Variants in CTSD observed in about 807,000 individuals in gnomAD.
The protein encoded by CTSD is cathepsin D.
In CTSD, 28 loss-of-function variants were observed where a neutral mutation model predicts 43.6. The ratio of observed to expected loss-of-function variants is 0.64; its 90% CI spans 0.48 to 0.88. CTSD has a LOEUF of 0.88. Ranked by LOEUF, CTSD falls within the 40% of genes least tolerant of loss-of-function variation. The pLI is 0.00. For synonymous variants in CTSD, 270 were observed against 249.8 expected (o/e 1.08, Z -0.76); for missense variants, 485 against 555.2 (o/e 0.87, Z 1.27).
intron 1 of CTSD, 109 bp downstream of exon 1, chr11:1,763,683 C>T (rs1242741205): frequency 3.7e-6 from 4 of 1,068,224 alleles, no homozygotes; most frequent in Admixed American, 2.9e-5. Flanking sequence ...GCGCGGGGGG[C>T]GCAAGGGGCT....
At chr11:1,758,912 G>A in intron 4 of CTSD, 57 bp downstream of exon 4, 1 of 1,261,252 alleles carries the variant, frequency 7.9e-7, no homozygotes, top group Non-Finnish European at 1.2e-6. Flanking sequence ...ACCCACGGTG[G>A]GTGAACCCCA....
chr11:1,753,953 C>G, intron 7 of CTSD, 41 bp downstream of exon 7: 1 of 1,610,776 alleles, frequency 6.2e-7, no homozygotes. Flanking sequence ...TTGGGGCTCC[C>G]CCTGCCAGCC....
chr11:1,754,234 C>T lies in CTSD; in HGVS notation c.828-96G>A, dbSNP rs553734441. 26 of 1,421,004 alleles carry T rather than the reference C, an allele frequency of 1.8e-5. 1 individual carries two copies. Among genetic ancestry groups the T allele is most frequent in the African/African-American group, 1.7e-4 (12 of 71,118 alleles). 88.0% of individuals were successfully genotyped at this position (1,421,004 alleles called of 1,614,324 possible). ...GGGAGCCCCTCCCCTGGCTGGGCTG[C>T]ACTCTCCTCCCCTCAGGGCTCCTGG... On this transcript the variant is annotated intron_variant, in intron 6 of 8. Coordinates refer to ENST00000236671, the MANE Select transcript of CTSD (RefSeq NM_001909.5).
At chr11:1,762,410 C>T (rs545440882) in intron 1 of CTSD, 7 of 152,408 alleles carry the variant, frequency 4.6e-5, no homozygotes, top group African/African-American at 1.4e-4. Context: ...TGAACCCACT[C>T]CTTGTTCCAA....
chr11:1,763,877 C>G lies in CTSD; in HGVS notation c.-18G>C. 2 of 1,519,818 alleles carry G rather than the reference C, an allele frequency of 1.3e-6. No individual in the cohort carries two copies. The highest frequency in any genetic ancestry group is 1.8e-6 in the Non-Finnish European group (2 of 1,139,446). The allele number at this position is 1,519,818 out of a possible 1,614,324, so 94.1% of individuals were successfully genotyped here. ...GGCTGCATGGCGGCGGCGGCCGGGT[C>G]GGAGAGGGTCGCCGAGGCCGTGCGC... On this transcript the variant is annotated 5_prime_UTR_variant, in exon 1 of 9. Coordinates refer to ENST00000236671, the MANE Select transcript of CTSD (RefSeq NM_001909.5).
Position 1,753,323 on chromosome 11 carries a change from C to T in CTSD, c.*180G>A, listed in dbSNP as rs1202737826. On this transcript the variant is annotated 3_prime_UTR_variant, in exon 9 of 9. Coordinates refer to ENST00000236671, the MANE Select transcript of CTSD (RefSeq NM_001909.5). ...AGACAGGCAGGCAGCATTTCTGAACCCAGGGAGGGGAAAACCACAGAACAA... is the reference window on the plus strand; with the variant it reads ...AGACAGGCAGGCAGCATTTCTGAACTCAGGGAGGGGAAAACCACAGAACAA... 6 of 700,098 alleles carry T rather than the reference C, an allele frequency of 8.6e-6. No homozygotes were observed. In the African/African-American group the frequency reaches 1.1e-4, roughly 12 times the overall value. 43.4% of individuals were successfully genotyped at this position (700,098 alleles called of 1,614,324 possible). A position where few individuals can be genotyped will look rare whatever the true frequency, so the allele number is the denominator to read the frequency against.
At position 1,758,960 on chromosome 11, in the gene CTSD, G is replaced by C; in HGVS notation, c.471+9C>G. The stretch of plus-strand genomic sequence containing the variant: ...CTCGAGTCCTGGGAAAGGCCCCAGA[G>C]GGACTCACCGACACAGTGTCCTGGC... On this transcript the variant is annotated intron_variant, in intron 4 of 8. Coordinates refer to ENST00000236671, the MANE Select transcript of CTSD (RefSeq NM_001909.5). 6.3e-7 allele frequency: 1 copy of C among 1,583,332 alleles called. No homozygotes were observed. The highest frequency in any genetic ancestry group is 8.7e-7 in the Non-Finnish European group (1 of 1,152,206).
intron 1 of CTSD, chr11:1,761,768 T>C: frequency 4.2e-6 from 2 of 481,278 alleles, no homozygotes; most frequent in East Asian, 4.1e-5. Context: ...TCCTCAGCCA[T>C]TCTGGAGGCT....
chr11:1,754,048 A>T lies in CTSD; in HGVS notation c.918T>A (p.Asp306Glu). Residue 306 changes from aspartate (D) to glutamate (E), a missense_variant, in exon 7 of 9, where the codon GAT (aspartate) becomes GAA (glutamate). By Grantham distance (45) the Asp-to-Glu change is conservative. Coordinates refer to ENST00000236671, the MANE Select transcript of CTSD (RefSeq NM_001909.5). Reference sequence around the variant, plus strand: ...TGGCCTTCTGCAGCTCGCGCACCTCATCCACCGGGCCCACCATGAGGGAAG... The same window carrying T: ...TGGCCTTCTGCAGCTCGCGCACCTCTTCCACCGGGCCCACCATGAGGGAAG... ...TGTSLMVGPV[D>E]EVRELQKAIG... The T allele has an allele frequency of 6.2e-7, 1 of 1,610,014 alleles. No homozygotes were observed. The highest frequency in any genetic ancestry group is 8.5e-7 in the Non-Finnish European group (1 of 1,179,206).
intron 6 of CTSD, among the ~76,000 whole-genome samples, chr11:1,754,516 A>C: frequency 3.1e-5 from 1 of 32,636 alleles, no homozygotes; most frequent in South Asian, 1.4e-3. Flanking sequence ...GGAGGGATGG[A>C]GGGATGGAGG....
chr11:1,757,277 G>A (rs989820816), intron 5 of CTSD, 47 bp downstream of exon 5: 7 of 1,521,230 alleles, frequency 4.6e-6, no homozygotes, highest in African/African-American at 4.1e-5. Context: ...GTCCAGCCCC[G>A]CCCTGCCTCC....
intron 1 of CTSD, among the ~76,000 whole-genome samples, chr11:1,763,360 T>C (rs1281613163): frequency 6.6e-6 from 1 of 152,096 alleles, no homozygotes; most frequent in Non-Finnish European, 1.5e-5. Flanking sequence ...TCACAGGTGG[T>C]AAAGGGGTCC....
chr11:1,762,965 C>T (rs1845900866), intron 1 of CTSD: 1 of 152,450 alleles, frequency 6.6e-6, no homozygotes, highest in African/African-American at 2.4e-5. Flanking sequence ...CCCAGGTCTC[C>T]CACAAAGGCC....
At chr11:1,761,018 C>G (rs1233099663) in intron 2 of CTSD, 1 of 466,098 alleles carries the variant, frequency 2.1e-6, no homozygotes, top group East Asian at 4.3e-5. Context: ...CGGCCACACT[C>G]AGGCAGGCCC....
chr11:1,759,385 T>TGGAG, intron 3 of CTSD, 131 bp downstream of exon 3: 1 of 1,349,438 alleles, frequency 7.4e-7, no homozygotes, highest in Non-Finnish European at 1.0e-6. Context: ...TGGAGCAGGG[T>TGGAG]GGAGGGCTGG....
intron 1 of CTSD, chr11:1,761,741 T>A (rs1590908958): frequency 3.7e-6 from 2 of 536,704 alleles, no homozygotes; most frequent in East Asian, 6.8e-5. Flanking sequence ...TGGGGGCCAG[T>A]GTGCCCAACC....
In CTSD at chr11:1,763,887, C is replaced by T; in HGVS notation, c.-28G>A. ...CGGCGGCGGCCGGGTCGGAGAGGGT[C>T]GCCGAGGCCGTGCGCTTATAGCCGG... On this transcript the variant is annotated 5_prime_UTR_variant, in exon 1 of 9. Transcript: ENST00000236671. 2 of 1,516,026 alleles carry T rather than the reference C, an allele frequency of 1.3e-6. No homozygotes were observed. Among genetic ancestry groups the T allele is most frequent in the Non-Finnish European group, 1.8e-6 (2 of 1,137,010 alleles). The allele number at this position is 1,516,026 out of a possible 1,614,324, so 93.9% of individuals were successfully genotyped here.
rs762631372 is a variant in CTSD, at chr11:1,761,422, C to G, written c.115G>C (p.Val39Leu). 6.2e-7 allele frequency: 1 copy of G among 1,613,924 alleles called. No homozygotes were observed. The highest frequency in any genetic ancestry group is 1.7e-5 in the Admixed American group (1 of 60,026). Residue 39 changes from valine (V) to leucine (L), a missense_variant, in exon 2 of 9, where the codon GTT becomes CTT. Physicochemically the swap from Val to Leu is conservative, Grantham distance 32. Transcript: ENST00000236671. ...ATCAGGTCCTCCACAGAGCCCCCAA[C>G]CTCCGACATGGTCCGGCGGATGGAC... ...FTSIRRTMSE[V>L]GGSVEDLIAK... is the part of the protein sequence containing the mutation.
chr11:1,754,240 C>T, intron 6 of CTSD, 102 bp from the exon 7 acceptor site: 2 of 1,393,712 alleles, frequency 1.4e-6, no homozygotes, highest in Non-Finnish European at 2.0e-6. Context: ...GCTGCACTCT[C>T]CTCCCCTCAG....
Sources: gnomAD v4.1 joint callset for allele counts (sites outside exome capture counted in the v4.1 genomes callset) on GRCh38, gnomAD v4.1.1 for gene constraint, MANE v1.5 for transcripts, NCBI Gene and HGNC (gene_info 2026-07-23, HGNC 2026-07-21) for gene names.